The following PSME4 variants were observed in gnomAD, a reference collection of about 807,000 sequenced individuals.
PSME4 encodes the protein proteasome activator subunit 4.
PSME4 carries 89 observed loss-of-function variants against 253.9 expected under a neutral mutation model. The observed-to-expected ratio is 0.35, with a 90% CI of 0.30 to 0.42. The LOEUF is 0.42. Ranked by LOEUF, PSME4 falls within the 10% of genes least tolerant of loss-of-function variation. The pLI is 1.00. For missense variants in PSME4, 2,014 were observed against 2,195.2 expected, an observed-to-expected ratio of 0.92 and a Z score of 1.65; for synonymous variants, 851 against 759.2, an observed-to-expected ratio of 1.12 and a Z score of -1.99.
intron 8 of PSME4, chr2:53,933,010 C>G: frequency 2.4e-6 from 1 of 420,986 alleles, no homozygotes; most frequent in African/African-American, 2.0e-5. Flanking sequence ...AAATACCTGT[C>G]AACTTAGGAT....
At chr2:53,914,903 C>T (rs528189754) in intron 20 of PSME4, among the ~76,000 whole-genome samples, 1 of 152,222 alleles carries the variant, frequency 6.6e-6, no homozygotes, top group Non-Finnish European at 1.5e-5. Context: ...TTTAGTAACC[C>T]TATATTGCTA....
intron 19 of PSME4, among the ~76,000 whole-genome samples, chr2:53,919,653 T>C (rs964999088): frequency 1.3e-5 from 2 of 152,210 alleles, no homozygotes; most frequent in African/African-American, 2.4e-5. Flanking sequence ...GAGTTGATGT[T>C]AGTCAGTCAC....
chr2:53,922,787 C>G (rs1217300996), intron 16 of PSME4, among the ~76,000 whole-genome samples: 1 of 150,664 alleles, frequency 6.6e-6, no homozygotes, highest in Non-Finnish European at 1.5e-5. Flanking sequence ...CCAACCAAGA[C>G]TTCTGCCCCT....
At chr2:53,899,507 T>C (rs1680293551) in intron 29 of PSME4, among the ~76,000 whole-genome samples, 1 of 152,158 alleles carries the variant, frequency 6.6e-6, no homozygotes, top group Non-Finnish European at 1.5e-5. Context: ...TATACATCTA[T>C]ATTTTAGAGA....
chr2:53,912,802 T>C (rs1355731904), intron 20 of PSME4, among the ~76,000 whole-genome samples: 1 of 152,178 alleles, frequency 6.6e-6, no homozygotes, highest in African/African-American at 2.4e-5. Context: ...CTAAAAGAAA[T>C]CTCTACCCAT....
intron 24 of PSME4, chr2:53,907,987 G>A: frequency 4.3e-6 from 1 of 233,202 alleles, no homozygotes; most frequent in Non-Finnish European, 8.4e-6. Context: ...TCTACATAAA[G>A]TGTAATGCTT....
At chr2:53,907,697 A>C (rs1680721416) in intron 24 of PSME4, among the ~76,000 whole-genome samples, 1 of 152,162 alleles carries the variant, frequency 6.6e-6, no homozygotes, top group Admixed American at 6.5e-5. Flanking sequence ...TAAGCAACCT[A>C]GTTTACCCTC....
chr2:53,890,269 ATCTT>A (rs1679846409), intron 36 of PSME4, 61 bp from the exon 37 acceptor site: 1 of 1,146,112 alleles, frequency 8.7e-7, no homozygotes, highest in Non-Finnish European at 1.3e-6. Context: ...TTCTTCAAAT[ATCTT>A]TCTTTACCTG....
chr2:53,965,541 T>C (rs1477196662), intron 1 of PSME4, among the ~76,000 whole-genome samples: 1 of 140,968 alleles, frequency 7.1e-6, no homozygotes, highest in African/African-American at 2.5e-5. Context: ...TCCAGCAGTA[T>C]GTTGTGGAGC....
chr2:53,937,292 C>G (rs1441274573), intron 5 of PSME4, 99 bp downstream of exon 5: 39 of 1,156,892 alleles, frequency 3.4e-5, no homozygotes, highest in Non-Finnish European at 2.4e-6. Flanking sequence ...AATGGCTGAA[C>G]TTGCAAAATG....
At chr2:53,907,434 T>C (rs1211048794) in intron 24 of PSME4, among the ~76,000 whole-genome samples, 1 of 152,168 alleles carries the variant, frequency 6.6e-6, no homozygotes, top group Non-Finnish European at 1.5e-5. Context: ...CAAAACATGT[T>C]ATTTCCATTT....
At chr2:53,939,927 G>A (rs763398787) in intron 4 of PSME4, 29 bp downstream of exon 4, 9 of 1,549,906 alleles carry the variant, frequency 5.8e-6, no homozygotes, top group Non-Finnish European at 8.0e-6. Flanking sequence ...GAAACAACAA[G>A]AGGCTTTATA....
chr2:53,867,989 A>G (rs1268304517), intron 44 of PSME4, among the ~76,000 whole-genome samples: 2 of 152,154 alleles, frequency 1.3e-5, no homozygotes, highest in African/African-American at 4.8e-5. Flanking sequence ...CAGTTCCTCA[A>G]TAAAGGTGTG....
chr2:53,914,327 TA>T (rs1667961824), intron 20 of PSME4, among the ~76,000 whole-genome samples: 1 of 152,174 alleles, frequency 6.6e-6, no homozygotes, highest in African/African-American at 2.4e-5. Flanking sequence ...TGGAAAGACA[TA>T]ATCCAACTTC....
intron 24 of PSME4, chr2:53,908,019 TTCC>T: frequency 3.3e-6 from 1 of 300,180 alleles, no homozygotes; most frequent in South Asian, 5.3e-5. Context: ...CCATAGATAA[TTCC>T]TCCTATTTTT....
At chr2:53,962,791 T>C (rs970662471) in intron 1 of PSME4, among the ~76,000 whole-genome samples, 2 of 151,804 alleles carry the variant, frequency 1.3e-5, no homozygotes, top group African/African-American at 4.8e-5. Context: ...GGCAGGCGGA[T>C]CATGAGGTCT....
chr2:53,940,981 A>AT, intron 3 of PSME4, among the ~76,000 whole-genome samples: 1 of 75,554 alleles, frequency 1.3e-5, no homozygotes, highest in East Asian at 3.2e-4. Flanking sequence ...ATATATATAT[A>AT]TATATATATA....
intron 1 of PSME4, among the ~76,000 whole-genome samples, chr2:53,966,176 T>C (rs1198435531): frequency 6.6e-6 from 1 of 152,038 alleles, no homozygotes; most frequent in East Asian, 1.9e-4. Flanking sequence ...TCCCAGCTAC[T>C]TGGAGGCAGA....
intron 37 of PSME4, 146 bp from the exon 38 acceptor site, chr2:53,888,958 C>A: frequency 1.7e-6 from 1 of 597,938 alleles, no homozygotes; most frequent in Admixed American, 2.6e-5. Context: ...GATTGCCTCC[C>A]AGGCTCAAGT....
Sources: allele counts gnomAD v4.1 joint callset (sites outside exome capture counted in the v4.1 genomes callset), GRCh38; gene constraint gnomAD v4.1.1; transcripts MANE v1.5; gene names NCBI Gene and HGNC (gene_info 2026-07-23, HGNC 2026-07-21).